SLC25A35: variants seen among roughly 807,000 people sequenced by gnomAD.
The protein encoded by SLC25A35 is solute carrier family 25, member 35.
SLC25A35 carries 32 observed loss-of-function variants against 30.5 expected under a neutral mutation model. The observed-to-expected ratio is 1.05, with a 90% CI of 0.79 to 1.41. The LOEUF is 1.41. SLC25A35 is among the 40% of genes most tolerant of loss of function. SLC25A35 has a pLI of 0.00. For synonymous variants in SLC25A35, 142 were observed against 158.1 expected (o/e 0.90, Z 0.77); for missense variants, 369 against 388.0 (o/e 0.95, Z 0.41).
Position 8,290,434 on chromosome 17 carries a change from C to CA in SLC25A35, c.*70dup. The CA allele has an allele frequency of 6.6e-7, 1 of 1,509,826 alleles. No homozygotes were observed. The highest frequency in any genetic ancestry group is 1.3e-5 in the South Asian group (1 of 78,734). The allele number at this position is 1,509,826 out of a possible 1,614,324, so 93.5% of individuals were successfully genotyped here. On this transcript the variant is annotated 3_prime_UTR_variant, in exon 5 of 5. Coordinates refer to ENST00000577745, the MANE Select transcript of SLC25A35 (RefSeq NM_001320870.2). Reference sequence around the variant, plus strand: ...GATGAAAGGTCACCTAATCAGTAGTCACCAGGACATAGTGGTGGAGGCACA... The same window carrying CA: ...GATGAAAGGTCACCTAATCAGTAGTCAACCAGGACATAGTGGTGGAGGCACA...
rs1990767097 is a variant in SLC25A35, at chr17:8,294,986, G to A, written c.-179C>T. 1 of 1,402,058 alleles carries A rather than the reference G, an allele frequency of 7.1e-7. No homozygotes were observed. The highest frequency in any genetic ancestry group is 3.2e-5 in the Admixed American group (1 of 31,274). The allele number at this position is 1,402,058 out of a possible 1,614,324, so 86.9% of individuals were successfully genotyped here. A position where few individuals can be genotyped will look rare whatever the true frequency, so the allele number is the denominator to read the frequency against. ...ATGTCAAGTGGTCAAACGTCAGCTGGAATTTGGGAGTCAAGAGCTGGCAAG... is the reference window on the plus strand; with the variant it reads ...ATGTCAAGTGGTCAAACGTCAGCTGAAATTTGGGAGTCAAGAGCTGGCAAG... On this transcript the variant is annotated 5_prime_UTR_variant, in exon 1 of 5. Coordinates refer to ENST00000577745, the MANE Select transcript of SLC25A35 (RefSeq NM_001320870.2).
chr17:8,289,974 G>C (rs1038845672), downstream of SLC25A35: 11 of 1,613,132 alleles, frequency 6.8e-6, no homozygotes, highest in Admixed American at 1.7e-5. Context: ...TGAGAACTTG[G>C]GGACTCGGTT....
intron 2 of SLC25A35, among the ~76,000 whole-genome samples, chr17:8,292,189 C>CA (rs942834971): frequency 1.3e-5 from 2 of 151,292 alleles, no homozygotes; most frequent in African/African-American, 4.9e-5. Flanking sequence ...CTCAACAAAA[C>CA]AAAACAAAAC....
chr17:8,290,327 A>C lies in SLC25A35; in HGVS notation c.*178T>G, dbSNP rs1990386389. 1 of 1,433,300 alleles carries C rather than the reference A, an allele frequency of 7.0e-7. No individual in the cohort carries two copies. Among genetic ancestry groups the C allele is most frequent in the East Asian group, 2.5e-5 (1 of 39,910 alleles). 88.8% of individuals were successfully genotyped at this position (1,433,300 alleles called of 1,614,324 possible). ...TAGGGAAGGTTTAAAGCAACACCCA[A>C]GGAAAGAAGGGAAACTCATCTCTTG... On this transcript the variant is annotated 3_prime_UTR_variant, in exon 5 of 5. Transcript: ENST00000577745.
intron 1 of SLC25A35, 99 bp downstream of exon 1, chr17:8,294,331 CAGT>C: frequency 7.8e-7 from 1 of 1,289,316 alleles, no homozygotes; most frequent in Non-Finnish European, 1.1e-6. Flanking sequence ...TCCCTGCTTG[CAGT>C]GGGGCAGCAC....
chr17:8,288,059 T>C (rs1990204118), downstream of SLC25A35: 1 of 152,884 alleles, frequency 6.5e-6, no homozygotes, highest in Non-Finnish European at 1.5e-5. Flanking sequence ...CAAGAGACCC[T>C]ACCTAGACGT....
chr17:8,292,448 T>C (rs997856818), intron 2 of SLC25A35, 75 bp downstream of exon 2: 14 of 1,429,246 alleles, frequency 9.8e-6, no homozygotes, highest in East Asian at 6.8e-5. Flanking sequence ...GGATTGGATC[T>C]GTTGGGTGCA....
chr17:8,290,281 G>A lies in SLC25A35; in HGVS notation c.*224C>T. On this transcript the variant is annotated 3_prime_UTR_variant, in exon 5 of 5. Transcript: ENST00000577745. Reference sequence around the variant, plus strand: ...ACTCGTTCAGCCCTGAGAGAGGGGTGTGAGTTACCCAGGGAATGGGTAGGG... The same window carrying A: ...ACTCGTTCAGCCCTGAGAGAGGGGTATGAGTTACCCAGGGAATGGGTAGGG... 2.1e-6 allele frequency: 3 copies of A among 1,426,976 alleles called. No homozygotes were observed. The South Asian group carries it at 4.6e-5, about 22-fold the overall frequency. 88.4% of individuals were successfully genotyped at this position (1,426,976 alleles called of 1,614,324 possible). A position where few individuals can be genotyped will look rare whatever the true frequency, so the allele number is the denominator to read the frequency against.
chr17:8,289,953 C>G, downstream of SLC25A35: 1 of 1,614,030 alleles, frequency 6.2e-7, no homozygotes. Flanking sequence ...TGAAGCACTG[C>G]ATGATGTTGC....
At chr17:8,291,310 C>A (rs1990480582) in intron 3 of SLC25A35, 23 bp downstream of exon 3, 1 of 1,612,844 alleles carries the variant, frequency 6.2e-7, no homozygotes, top group South Asian at 1.1e-5. Flanking sequence ...CCGAAACAGA[C>A]CCACCCATTT....
downstream of SLC25A35, chr17:8,288,821 G>A (rs1990239903): frequency 6.2e-7 from 1 of 1,614,146 alleles, no homozygotes; most frequent in Non-Finnish European, 8.5e-7. Flanking sequence ...CGCTGTTCGG[G>A]GGCGCCTTTT....
chr17:8,292,922 A>G (rs778983236), intron 1 of SLC25A35, among the ~76,000 whole-genome samples: 15 of 152,208 alleles, frequency 9.9e-5, no homozygotes, highest in Middle Eastern at 3.4e-3. Flanking sequence ...CCCGCCTCTC[A>G]TGCTAGCTCC....
In SLC25A35 at chr17:8,291,387, G is replaced by A. The variant is rs188650679; in HGVS notation, c.540C>T (p.Ser180=). The change falls in exon 3 of 5, where the codon TCC becomes TCT. Residue 180 remains serine, a synonymous_variant. Transcript: ENST00000577745. ...LGGLPRVIVG[S]STQLCTFSST... is the part of the protein sequence containing the mutation. ...ATGAGAAGGTGCACAGCTGGGTGGA[G>A]GAACCGACGATAACTCGGGGCAGGC... 1 of 1,614,204 alleles carries A rather than the reference G, an allele frequency of 6.2e-7. No homozygotes were observed. Among genetic ancestry groups the A allele is most frequent in the African/African-American group, 1.3e-5 (1 of 75,040 alleles).
intron 1 of SLC25A35, 76 bp downstream of exon 1, chr17:8,294,357 G>GC (rs1389017627): frequency 2.1e-6 from 3 of 1,459,988 alleles, no homozygotes; most frequent in Non-Finnish European, 2.7e-6. Flanking sequence ...TGCCACCTAT[G>GC]CCCTTGGGAA....
chr17:8,291,331 AC>A lies in SLC25A35; in HGVS notation c.594+1del. The A allele has an allele frequency of 6.2e-7, 1 of 1,613,528 alleles. No individual in the cohort carries two copies. The highest frequency in any genetic ancestry group is 8.5e-7 in the Non-Finnish European group (1 of 1,179,846). On this transcript the variant is annotated splice_donor_variant, in intron 3 of 4. Transcript: ENST00000577745. LOFTEE classifies it high-confidence loss of function. ...CAGACCCACCCATTTCCCAGGCAGT[AC>A]CTCCCACTGGCTCAGGAGGTCCTTG... is the stretch of plus-strand genomic sequence containing the variant.
chr17:8,292,421 G>A, intron 2 of SLC25A35, 102 bp downstream of exon 2: 1 of 1,154,164 alleles, frequency 8.7e-7, no homozygotes, highest in Non-Finnish European at 1.3e-6. Flanking sequence ...CCGATGGGTT[G>A]AGCAGAGCAG....
At chr17:8,289,996 A>T (rs771016687), downstream of SLC25A35, 1 of 1,610,056 alleles carries the variant, frequency 6.2e-7, no homozygotes, top group South Asian at 1.1e-5. Context: ...TGTGAGGGGG[A>T]AAAGAGGTTG....
In SLC25A35 at chr17:8,293,931, T is replaced by TTTTTTTTTTTG. The variant is rs1491485762; in HGVS notation, c.375+501_375+502insCAAAAAAAAAA. On this transcript the variant is annotated intron_variant, in intron 1 of 4. Transcript: ENST00000577745. Reference sequence around the variant, plus strand: ...GCCCATAATCTTTTTTTTTTTTTTTTGTGAGACGTAGCCTTGCTCTGTGGC... The same window carrying TTTTTTTTTTTG: ...GCCCATAATCTTTTTTTTTTTTTTTTTTTTTTTTTTGGTGAGACGTAGCCTTGCTCTGTGGC... 9.7e-3 allele frequency among the ~76,000 whole-genome samples: 1,225 copies of TTTTTTTTTTTG among 126,518 alleles called. 26 individuals carry two copies. The highest frequency in any genetic ancestry group is 0.034 in the African/African-American group (1,132 of 33,212). The allele number at this position is 126,518 out of a possible 152,430, so 83.0% of individuals were successfully genotyped here.
intron 2 of SLC25A35, 56 bp downstream of exon 2, chr17:8,292,467 G>A: frequency 6.4e-7 from 1 of 1,550,682 alleles, no homozygotes; most frequent in Non-Finnish European, 8.9e-7. Context: ...CAGGCAGAAA[G>A]CTAGGGGAAA....
Sources: gnomAD v4.1 joint callset for allele counts (sites outside exome capture counted in the v4.1 genomes callset) on GRCh38, gnomAD v4.1.1 for gene constraint, MANE v1.5 for transcripts, NCBI Gene and HGNC (gene_info 2026-07-23, HGNC 2026-07-21) for gene names.